Variants in RARB observed in about 807,000 individuals in gnomAD.
The protein encoded by RARB is HBV-activated protein.
Under a neutral mutation model 51.9 loss-of-function variants are expected in RARB, and 17 were observed. The observed-to-expected ratio is 0.33, with a 90% CI of 0.22 to 0.49. The LOEUF (loss-of-function observed/expected upper bound fraction) is 0.49. Ranked by LOEUF, RARB falls within the 20% of genes least tolerant of loss-of-function variation. The pLI is 0.99. For synonymous variants in RARB, 215 were observed against 195.4 expected, an observed-to-expected ratio of 1.10 and a Z score of -0.84; for missense variants, 369 against 550.8, an observed-to-expected ratio of 0.67 and a Z score of 3.30.
At chr3:25,005,376 A>C (rs2125277031) in intron 2 of RARB, among the ~76,000 whole-genome samples, 1 of 152,280 alleles carries the variant, frequency 6.6e-6, no homozygotes, top group Admixed American at 6.5e-5. Flanking sequence ...TTTCTCATGA[A>C]GTCACAGACA....
At chr3:24,949,955 C>T (rs1276944848) in intron 2 of RARB, among the ~76,000 whole-genome samples, 4 of 152,186 alleles carry the variant, frequency 2.6e-5, no homozygotes, top group Non-Finnish European at 5.9e-5. Flanking sequence ...ACCTTTGGAT[C>T]ACACCCAATA....
chr3:24,836,327 T>C (rs1457654745), intron 1 of RARB, among the ~76,000 whole-genome samples: 1 of 152,206 alleles, frequency 6.6e-6, no homozygotes, highest in Non-Finnish European at 1.5e-5. Context: ...TGGCAATCAG[T>C]GCTGTGTGTC....
chr3:25,010,139 C>T (rs4566498), intron 2 of RARB, among the ~76,000 whole-genome samples: 67,145 of 130,188 alleles, frequency 0.52, 16,258 homozygotes, highest in East Asian at 0.67. Flanking sequence ...TTTTTTATAC[C>T]GAGGCCAGGA....
intron 5 of RARB, among the ~76,000 whole-genome samples, chr3:25,192,903 C>A (rs1436159200): frequency 6.6e-6 from 1 of 152,050 alleles, no homozygotes; most frequent in Non-Finnish European, 1.5e-5. Context: ...GACAACTCTT[C>A]TAGGCTCTTA....
intron 4 of RARB, among the ~76,000 whole-genome samples, chr3:25,571,398 C>G (rs984293349): frequency 1.3e-5 from 2 of 152,184 alleles, no homozygotes; most frequent in Non-Finnish European, 2.9e-5. Context: ...GCAAATGAGC[C>G]GGGCTTTGAG....
intron 2 of RARB, among the ~76,000 whole-genome samples, chr3:25,043,625 A>G (rs1312376632): frequency 6.6e-6 from 1 of 152,224 alleles, no homozygotes; most frequent in Non-Finnish European, 1.5e-5. Context: ...AAGATAAAGT[A>G]GGCGTTACAG....
At chr3:25,024,006 T>A (rs923631184) in intron 2 of RARB, among the ~76,000 whole-genome samples, 27 of 152,168 alleles carry the variant, frequency 1.8e-4, no homozygotes, top group African/African-American at 6.5e-4. Context: ...GTTTTCTACA[T>A]CTGTGAAATG....
rs1346598639 is a variant in RARB at position 25,325,295 on chromosome 3, A to C, written c.179-135898A>C. 2.0e-5 allele frequency among the ~76,000 whole-genome samples: 3 copies of C among 152,130 alleles called. No homozygotes were observed. In the East Asian group the frequency reaches 5.8e-4, roughly 29 times the overall value. Reference sequence around the variant, plus strand: ...TTTGCGTGTAATGAGCAGTGACGACAACCAGAGGTCATTTTCATGGCCATC... The same window carrying C: ...TTTGCGTGTAATGAGCAGTGACGACCACCAGAGGTCATTTTCATGGCCATC... On this transcript the variant is annotated intron_variant, in intron 5 of 11. Transcript: ENST00000383772.
chr3:24,918,760 G>A (rs1222844223), intron 2 of RARB, among the ~76,000 whole-genome samples: 6 of 152,022 alleles, frequency 3.9e-5, no homozygotes, highest in Admixed American at 6.6e-5. Context: ...TCGTGGTGGC[G>A]GGTGCCTGTA....
chr3:25,244,620 T>C (rs1291527740), intron 5 of RARB, among the ~76,000 whole-genome samples: 2 of 152,194 alleles, frequency 1.3e-5, no homozygotes, highest in East Asian at 3.9e-4. Flanking sequence ...GGTTGTGAGA[T>C]TTTGAGTGAG....
At chr3:25,447,841 G>A (rs952201229) in intron 1 of RARB, among the ~76,000 whole-genome samples, 1 of 151,942 alleles carries the variant, frequency 6.6e-6, no homozygotes, top group Non-Finnish European at 1.5e-5. Context: ...TACATCAGAA[G>A]GGAAAATTAT....
At chr3:24,905,162 C>G (rs1009606014) in intron 2 of RARB, among the ~76,000 whole-genome samples, 3 of 152,050 alleles carry the variant, frequency 2.0e-5, no homozygotes, top group Non-Finnish European at 4.4e-5. Flanking sequence ...AAGCCTTTAC[C>G]ACAGGGCTAT....
chr3:25,291,476 C>CTTTTTTTTTTTT (rs199605013), intron 5 of RARB, among the ~76,000 whole-genome samples: 2 of 125,380 alleles, frequency 1.6e-5, no homozygotes. Context: ...CAGATGTTTG[C>CTTTTTTTTTTTT]TTTTTTTTTT....
intron 5 of RARB, among the ~76,000 whole-genome samples, chr3:25,240,651 G>A (rs1702409693): frequency 6.6e-6 from 1 of 152,050 alleles, no homozygotes; most frequent in South Asian, 2.1e-4. Flanking sequence ...TTACATATGT[G>A]GAGACATTCT....
intron 5 of RARB, among the ~76,000 whole-genome samples, chr3:25,248,151 GT>G (rs1279572423): frequency 1.3e-5 from 2 of 152,098 alleles, no homozygotes; most frequent in Non-Finnish European, 2.9e-5. Flanking sequence ...TCTTTGAACT[GT>G]TTTTGATTTT....
intron 2 of RARB, among the ~76,000 whole-genome samples, chr3:24,921,647 C>A (rs1178438609): frequency 1.3e-5 from 2 of 152,118 alleles, no homozygotes; most frequent in African/African-American, 4.8e-5. Flanking sequence ...CTCCTCTTAA[C>A]TCTCTTCCCG....
upstream of RARB, among the ~76,000 whole-genome samples, chr3:25,424,355 G>T (rs1008057409): frequency 6.6e-6 from 1 of 152,134 alleles, no homozygotes; most frequent in Admixed American, 6.5e-5. Context: ...TGTTATTACT[G>T]TTAGAACTTC....
At chr3:25,023,845 G>A (rs1393354858) in intron 2 of RARB, among the ~76,000 whole-genome samples, 1 of 152,190 alleles carries the variant, frequency 6.6e-6, no homozygotes, top group Non-Finnish European at 1.5e-5. Context: ...ACATTAAAAA[G>A]TAATACATGC....
At chr3:25,262,923 G>A (rs1302353702) in intron 5 of RARB, among the ~76,000 whole-genome samples, 1 of 152,092 alleles carries the variant, frequency 6.6e-6, no homozygotes, top group Admixed American at 6.6e-5. Context: ...GCATTTGTAT[G>A]TTCTCTCTCT....
Sources: allele counts gnomAD v4.1 joint callset (sites outside exome capture counted in the v4.1 genomes callset), GRCh38; gene constraint gnomAD v4.1.1; transcripts MANE v1.5; gene names NCBI Gene and HGNC (gene_info 2026-07-23, HGNC 2026-07-21).